ADAMTS10: variants seen among roughly 807,000 people sequenced by gnomAD.
ADAMTS10 encodes the protein A disintegrin and metalloproteinase with thrombospondin motifs 10.
A neutral mutation model predicts 135.9 loss-of-function variants in ADAMTS10; 48 were observed. The observed-to-expected ratio is 0.35, with a 90% confidence interval of 0.28 to 0.45. The LOEUF is 0.45. Among genes scored for constraint, ADAMTS10 ranks in the 20% least tolerant of loss-of-function variants. ADAMTS10 has a pLI of 1.00. For synonymous variants in ADAMTS10, 621 were observed against 647.5 expected, an observed-to-expected ratio of 0.96 and a Z score of 0.62; for missense variants, 1,131 against 1,565.2, an observed-to-expected ratio of 0.72 and a Z score of 4.68.
chr19:8,592,965 C>T (rs2042560856), intron 12 of ADAMTS10, 95 bp from the exon 13 acceptor site: 2 of 1,181,658 alleles, frequency 1.7e-6, no homozygotes, highest in Admixed American at 2.0e-5. Context: ...CGGCTCACTG[C>T]CGGTCCCAGA....
At chr19:8,600,700 G>A (rs139053758) in intron 6 of ADAMTS10, among the ~76,000 whole-genome samples, 290 of 151,936 alleles carry the variant, frequency 1.9e-3, no homozygotes, top group African/African-American at 4.3e-3. Context: ...GGGTTTCACC[G>A]TGTTAGCCAG....
intron 12 of ADAMTS10, among the ~76,000 whole-genome samples, chr19:8,594,434 T>G (rs1414860947): frequency 6.6e-6 from 1 of 152,174 alleles, no homozygotes; most frequent in Non-Finnish European, 1.5e-5. Context: ...CAGTTCACAT[T>G]TAGTAAATAA....
At chr19:8,587,332 C>CAT (rs1568394348) in intron 18 of ADAMTS10, among the ~76,000 whole-genome samples, 140 of 92,520 alleles carry the variant, frequency 1.5e-3, no homozygotes, top group African/African-American at 4.7e-3. Context: ...AACTAAAAAA[C>CAT]CTTTTTTTTT....
chr19:8,593,035 G>A (rs2042562326), intron 12 of ADAMTS10, 165 bp from the exon 13 acceptor site: 1 of 680,270 alleles, frequency 1.5e-6, no homozygotes, highest in African/African-American at 1.8e-5. Context: ...CCCCTTGCGG[G>A]GCATGGCCTG....
chr19:8,584,504 CA>C (rs35235097), intron 25 of ADAMTS10, among the ~76,000 whole-genome samples: 1 of 150,538 alleles, frequency 6.6e-6, no homozygotes. Flanking sequence ...AACAAACAAA[CA>C]AAAAACCCTA....
intron 12 of ADAMTS10, chr19:8,593,101 ACCT>A: frequency 1.7e-6 from 1 of 594,862 alleles, no homozygotes; most frequent in Non-Finnish European, 3.0e-6. Flanking sequence ...CATGCCATAT[ACCT>A]CTTTAGGCAG....
chr19:8,606,088 C>T (rs916219980), intron 2 of ADAMTS10, among the ~76,000 whole-genome samples: 17 of 152,272 alleles, frequency 1.1e-4, no homozygotes, highest in African/African-American at 3.9e-4. Context: ...AGAGACAGGG[C>T]GTTGCTCTGT....
intron 18 of ADAMTS10, among the ~76,000 whole-genome samples, chr19:8,587,629 C>T (rs368918226): frequency 2.0e-5 from 3 of 151,826 alleles, no homozygotes; most frequent in East Asian, 1.9e-4. Flanking sequence ...CCACCACACC[C>T]GCCTAATTAA....
At chr19:8,592,966 C>T (rs1350347234) in intron 12 of ADAMTS10, 96 bp from the exon 13 acceptor site, 3 of 1,171,422 alleles carry the variant, frequency 2.6e-6, no homozygotes, top group African/African-American at 1.5e-5. Context: ...GGCTCACTGC[C>T]GGTCCCAGAG....
rs2042344715 is a variant in ADAMTS10, at chr19:8,581,159, T to TAC, written c.3203-159_3203-158dup. On this transcript the variant is annotated intron_variant, in intron 25 of 25. Coordinates refer to ENST00000597188, the MANE Select transcript of ADAMTS10 (RefSeq NM_030957.4). ...TTTTTTTTTTTTTTTTTTTTTTTTT[T>TAC]ACAGATGTTATCTTGCTATGTTGAC... 1.9e-5 allele frequency: 7 copies of TAC among 374,136 alleles called. 1 individual carries two copies. Among genetic ancestry groups the TAC allele is most frequent in the African/African-American group, 1.1e-4 (4 of 37,414 alleles). 23.2% of individuals were successfully genotyped at this position (374,136 alleles called of 1,614,324 possible). A position where few individuals can be genotyped will look rare whatever the true frequency, so the allele number is the denominator to read the frequency against.
At position 8,601,097 on chromosome 19, in the gene ADAMTS10, G is replaced by T. The variant is rs1555741490; in HGVS notation, c.641C>A (p.Pro214Gln). 6.2e-7 allele frequency: 1 copy of T among 1,614,016 alleles called. No individual in the cohort carries two copies. The highest frequency in any genetic ancestry group is 1.1e-5 in the South Asian group (1 of 91,090). The change falls in exon 6 of 26, where the codon CCA (proline) becomes CAA (glutamine). Residue 214 changes from proline (P) to glutamine (Q), a missense_variant. Transcript: ENST00000597188. The surrounding 1 kb of genome is among the most constrained non-coding windows in gnomAD (Gnocchi z 4.6). ...ATTCCCCAGGGGCCTGGCAGGCGGT[G>T]GCTTCAAGGTCCGCAGCCACCATGG... ...GRPWWLRTLK[P>Q]PPARPLGNET...
intron 12 of ADAMTS10, among the ~76,000 whole-genome samples, chr19:8,594,920 A>G (rs1167052271): frequency 6.6e-6 from 1 of 152,196 alleles, no homozygotes; most frequent in Non-Finnish European, 1.5e-5. Flanking sequence ...TCAGTGAAAT[A>G]GAAATTGTTC....
chr19:8,586,406 G>T lies in ADAMTS10; in HGVS notation c.2468C>A (p.Ser823Ter). ...ATAGTGCCAGGAGTAGGGGGGCAGCGAGTCACGGGCGATGGGGGCATTGAA... is the reference window on the plus strand; with the variant it reads ...ATAGTGCCAGGAGTAGGGGGGCAGCTAGTCACGGGCGATGGGGGCATTGAA... ...YRFNAPIARD[S>*]LPPYSWHYAP... The change falls in exon 21 of 26, where the codon TCG (serine) becomes TAG (stop). Residue 823 changes from serine (S) to a stop codon, truncating the protein, a stop_gained. Coordinates refer to ENST00000597188, the MANE Select transcript of ADAMTS10 (RefSeq NM_030957.4). LOFTEE classifies it high-confidence loss of function. 6.2e-7 allele frequency: 1 copy of T among 1,613,966 alleles called. No homozygotes were observed. Among genetic ancestry groups the T allele is most frequent in the Non-Finnish European group, 8.5e-7 (1 of 1,180,012 alleles).
intron 15 of ADAMTS10, 112 bp downstream of exon 15, chr19:8,591,688 C>T: frequency 7.7e-7 from 1 of 1,291,210 alleles, no homozygotes; most frequent in East Asian, 2.3e-5. Context: ...GATCCGCCTG[C>T]CTTGGCCTCC....
Position 8,605,823 on chromosome 19 carries a change from G to A in ADAMTS10, c.-99-14C>T, listed in dbSNP as rs2042716433. On this transcript the variant is annotated splice_polypyrimidine_tract_variant and intron_variant, in intron 2 of 25. Transcript: ENST00000597188. The surrounding 1 kb of genome is among the most constrained non-coding windows in gnomAD (Gnocchi z 7.7). Reference sequence around the variant, plus strand: ...ATCACCGGGCTCCTGGGAGGGGGGAGCCAGGTAAGGGGGCGCCTGGTCCCG... The same window carrying A: ...ATCACCGGGCTCCTGGGAGGGGGGAACCAGGTAAGGGGGCGCCTGGTCCCG... 4.0e-6 allele frequency: 6 copies of A among 1,506,644 alleles called. No homozygotes were observed. The highest frequency in any genetic ancestry group is 3.5e-6 in the Non-Finnish European group (4 of 1,130,376). 93.3% of individuals were successfully genotyped at this position (1,506,644 alleles called of 1,614,324 possible).
intron 18 of ADAMTS10, 126 bp from the exon 19 acceptor site, chr19:8,587,022 C>T (rs993811863): frequency 1.5e-5 from 15 of 981,998 alleles, no homozygotes; most frequent in Middle Eastern, 2.7e-4. Flanking sequence ...AACTGCACCC[C>T]TGCCCCACCC....
At chr19:8,588,527 G>C (rs1464119575) in intron 18 of ADAMTS10, among the ~76,000 whole-genome samples, 1 of 152,076 alleles carries the variant, frequency 6.6e-6, no homozygotes, top group African/African-American at 2.4e-5. Context: ...GGCTTCCTCA[G>C]CCTTCCAGAT....
In ADAMTS10 at chr19:8,605,240, C is replaced by A; in HGVS notation, c.207G>T (p.Gly69=). The A allele has an allele frequency of 6.2e-7, 1 of 1,613,304 alleles. No homozygotes were observed. The highest frequency in any genetic ancestry group is 8.5e-7 in the Non-Finnish European group (1 of 1,179,638). The change falls in exon 4 of 26, where the codon GGG becomes GGT. Residue 69 remains glycine (G), a synonymous_variant. Coordinates refer to ENST00000597188, the MANE Select transcript of ADAMTS10 (RefSeq NM_030957.4). This position sits in a 1 kb window ranked among gnomAD's most constrained non-coding sequence, Gnocchi z 7.7. ...PPPRRQRRGT[G]ATAESRLFYK... ...AGAAGAGGCGGGACTCGGCTGTGGC[C>A]CCCGTGCCGCGGCGCTGCCTCCGGG...
Position 8,605,284 on chromosome 19 carries a change from C to T in ADAMTS10, c.163G>A (p.Ala55Thr). The T allele has an allele frequency of 6.2e-7, 1 of 1,612,442 alleles. No individual in the cohort carries two copies. Among genetic ancestry groups the T allele is most frequent in the Non-Finnish European group, 8.5e-7 (1 of 1,179,358 alleles). ...TRVDHNGALL[A>T]FSPPPPRRQR... ...CTCCGGGGAGGAGGTGGCGAGAAGG[C>T]CAGCAGTGCCCCGTTGTGGTCCACG... The change falls in exon 4 of 26, where the codon GCC becomes ACC. Residue 55 changes from alanine to threonine, a missense_variant. Transcript: ENST00000597188. This position sits in a 1 kb window ranked among gnomAD's most constrained non-coding sequence, Gnocchi z 7.7.
Sources: allele counts gnomAD v4.1 joint callset (sites outside exome capture counted in the v4.1 genomes callset), GRCh38; gene constraint gnomAD v4.1.1; non-coding constraint Gnocchi (gnomAD v3.1); transcripts MANE v1.5; gene names NCBI Gene and HGNC (gene_info 2026-07-23, HGNC 2026-07-21).